The following SPTLC2 variants were observed in gnomAD, a reference collection of about 807,000 sequenced individuals.
The protein encoded by SPTLC2 is serine palmitoyltransferase long chain base subunit 2, also known as serine palmitoyltransferase 2.
Under a neutral mutation model 62.0 loss-of-function variants are expected in SPTLC2, and 21 were observed. The ratio of observed to expected loss-of-function variants is 0.34; its 90% confidence interval spans 0.24 to 0.49. The LOEUF (loss-of-function observed/expected upper bound fraction) is 0.49. Ranked by LOEUF, SPTLC2 falls within the 20% of genes least tolerant of loss-of-function variation. The probability of loss-of-function intolerance (pLI) is 0.99; values close to 1 mark genes in which losing one functional copy is unlikely to be tolerated. For missense variants in SPTLC2, 511 were observed against 713.0 expected, an observed-to-expected ratio of 0.72 and a Z score of 3.23; for synonymous variants, 261 against 261.8, an observed-to-expected ratio of 1.00 and a Z score of 0.03.
At position 77,599,516 on chromosome 14, in the gene SPTLC2, C is replaced by T. The variant is rs991185388; in HGVS notation, c.133-2136G>A. ...TTCAGTGTTACAGACTGGAATAGTT[C>T]GGAAAGACACAGTTGTATGTGACAA... is the stretch of plus-strand genomic sequence containing the variant. On this transcript the variant is annotated intron_variant, in intron 1 of 11. Coordinates refer to ENST00000216484, the MANE Select transcript of SPTLC2 (RefSeq NM_004863.4). 2.6e-5 allele frequency among the ~76,000 whole-genome samples: 4 copies of T among 152,212 alleles called. No homozygotes were observed. In the East Asian group the frequency reaches 5.8e-4, roughly 22 times the overall value.
At chr14:77,518,359 G>C (rs1466863122) in intron 10 of SPTLC2, among the ~76,000 whole-genome samples, 192 bp from the exon 11 acceptor site, 1 of 152,120 alleles carries the variant, frequency 6.6e-6, no homozygotes, top group African/African-American at 2.4e-5. Context: ...TCCTAAAGCA[G>C]TCTTCTCCTA....
intron 2 of SPTLC2, among the ~76,000 whole-genome samples, chr14:77,595,718 T>C (rs1379207273): frequency 6.6e-6 from 1 of 152,216 alleles, no homozygotes; most frequent in Non-Finnish European, 1.5e-5. Flanking sequence ...ATCCATTACC[T>C]GAATAATTGT....
At chr14:77,518,330 C>T (rs540289935) in intron 10 of SPTLC2, among the ~76,000 whole-genome samples, 163 bp from the exon 11 acceptor site, 2 of 152,158 alleles carry the variant, frequency 1.3e-5, no homozygotes, top group South Asian at 4.1e-4. Flanking sequence ...TGACAGCTCA[C>T]AAATACTTTT....
chr14:77,597,228 T>G lies in SPTLC2; in HGVS notation c.285A>C (p.Arg95Ser). The G allele has an allele frequency of 5.6e-6, 9 of 1,614,160 alleles. No homozygotes were observed. Among genetic ancestry groups the G allele is most frequent in the Non-Finnish European group, 7.6e-6 (9 of 1,180,028 alleles). Residue 95 changes from arginine to serine, a missense_variant, in exon 2 of 12, where the codon AGA becomes AGC. Arg to Ser is a moderately radical substitution (Grantham distance 110). Transcript: ENST00000216484. ...CTGTTGCATGGTGACACTTTTCAAT[T>G]CTCCAATACCTCAAGAAATCTCGAA... ...GYLRDFLRYW[R>S]IEKCHHATER... is the part of the protein sequence containing the mutation.
intron 1 of SPTLC2, among the ~76,000 whole-genome samples, chr14:77,610,929 T>TTTTG (rs761000774): frequency 3.5e-4 from 52 of 150,000 alleles, no homozygotes; most frequent in African/African-American, 1.2e-3. Flanking sequence ...TTTTATTTAT[T>TTTTG]TTTGTTTGTT....
intron 9 of SPTLC2, among the ~76,000 whole-genome samples, chr14:77,533,363 T>C (rs903976624): frequency 6.7e-6 from 1 of 149,784 alleles, no homozygotes; most frequent in Non-Finnish European, 1.5e-5. Flanking sequence ...TATAACAAAG[T>C]CCTCCTAAAA....
intron 9 of SPTLC2, among the ~76,000 whole-genome samples, chr14:77,538,361 T>C (rs1359849300): frequency 6.6e-6 from 1 of 152,204 alleles, no homozygotes; most frequent in Non-Finnish European, 1.5e-5. Flanking sequence ...GGATCCTGTC[T>C]CTACCTGAGC....
intron 2 of SPTLC2, among the ~76,000 whole-genome samples, chr14:77,594,548 C>T (rs954489059): frequency 1.3e-5 from 2 of 152,102 alleles, no homozygotes; most frequent in African/African-American, 4.8e-5. Context: ...ATCGCTTGAG[C>T]ACAGGAGTTT....
At chr14:77,591,726 G>GTATTTATT (rs1555377445) in intron 2 of SPTLC2, among the ~76,000 whole-genome samples, 11 of 63,742 alleles carry the variant, frequency 1.7e-4, no homozygotes, top group Admixed American at 3.8e-4. Context: ...ATGTATGTAT[G>GTATTTATT]TATGTATTTA....
chr14:77,594,165 T>G (rs1219363842), intron 2 of SPTLC2, among the ~76,000 whole-genome samples: 1 of 152,214 alleles, frequency 6.6e-6, no homozygotes, highest in Non-Finnish European at 1.5e-5. Context: ...TTCTATATCT[T>G]CATATAATCT....
chr14:77,524,101 C>G (rs140383476), intron 9 of SPTLC2, among the ~76,000 whole-genome samples: 146 of 152,148 alleles, frequency 9.6e-4, no homozygotes, highest in Non-Finnish European at 2.5e-4. Flanking sequence ...TGAAAAGGAA[C>G]AAATGATTGC....
intron 1 of SPTLC2, among the ~76,000 whole-genome samples, chr14:77,615,133 T>C (rs934155941): frequency 6.6e-6 from 1 of 152,212 alleles, no homozygotes; most frequent in African/African-American, 2.4e-5. Context: ...CGACAAACTA[T>C]TCCACTGCTT....
At chr14:77,559,195 C>T (rs1217884390) in intron 6 of SPTLC2, among the ~76,000 whole-genome samples, 1 of 152,150 alleles carries the variant, frequency 6.6e-6, no homozygotes, top group East Asian at 1.9e-4. Flanking sequence ...TGGTGGTGGG[C>T]ACCTGTAATT....
At chr14:77,562,824 A>T (rs2079622335) in intron 5 of SPTLC2, among the ~76,000 whole-genome samples, 1 of 152,126 alleles carries the variant, frequency 6.6e-6, no homozygotes, top group African/African-American at 2.4e-5. Flanking sequence ...TACGTGAGAG[A>T]ATTCCATGTA....
At position 77,611,377 on chromosome 14, in the gene SPTLC2, C is replaced by T. The variant is rs143919865; in HGVS notation, c.132+5071G>A. On this transcript the variant is annotated intron_variant, in intron 1 of 11. Transcript: ENST00000216484. ...ACTTGGGAGGCTGAGATGGGAGGATCGCTTGAGCCCGAGAAGTTGAGGCCG... is the reference window on the plus strand; with the variant it reads ...ACTTGGGAGGCTGAGATGGGAGGATTGCTTGAGCCCGAGAAGTTGAGGCCG... Among the ~76,000 whole-genome samples the T allele has an allele frequency of 4.8e-3, 712 of 147,214 alleles. 9 individuals carry two copies. Among genetic ancestry groups the T allele is most frequent in the African/African-American group, 0.017 (679 of 39,884 alleles).
chr14:77,613,441 T>G lies in SPTLC2; in HGVS notation c.132+3007A>C, dbSNP rs2079948566. Reference sequence around the variant, plus strand: ...AATTACTGCTCTATTGTTCAACTGTTACTATTGTGAAAACTGTGTGTCTAC... The same window carrying G: ...AATTACTGCTCTATTGTTCAACTGTGACTATTGTGAAAACTGTGTGTCTAC... On this transcript the variant is annotated intron_variant, in intron 1 of 11. Coordinates refer to ENST00000216484, the MANE Select transcript of SPTLC2 (RefSeq NM_004863.4). 2.0e-5 allele frequency among the ~76,000 whole-genome samples: 3 copies of G among 152,238 alleles called. No individual in the cohort carries two copies. In the South Asian group the frequency reaches 6.2e-4, roughly 31 times the overall value.
intron 9 of SPTLC2, among the ~76,000 whole-genome samples, chr14:77,548,740 A>G (rs554575545): frequency 1.2e-4 from 19 of 152,282 alleles, no homozygotes; most frequent in African/African-American, 4.3e-4. Flanking sequence ...GGAAAAGGAT[A>G]GAAACTGGAG....
At chr14:77,590,605 TGGA>T (rs1370746096) in intron 2 of SPTLC2, among the ~76,000 whole-genome samples, 1 of 152,108 alleles carries the variant, frequency 6.6e-6, no homozygotes, top group Non-Finnish European at 1.5e-5. Context: ...CCAGCCACTC[TGGA>T]GGCTGAGGCA....
At position 77,616,533 on chromosome 14, in the gene SPTLC2, G is replaced by T; in HGVS notation, c.47C>A (p.Ala16Glu). ...GGCCCRRTVRANGCVANGEVR... is the reference protein window; with the variant it reads ...GGCCCRRTVRENGCVANGEVR... ...TTCCCCGTTCGCCACGCAGCCATTC[G>T]CCCGCACCGTGCGGCGGCAGCAGCA... Residue 16 changes from alanine (A) to glutamate (E), a missense_variant, in exon 1 of 12, where the codon GCG becomes GAG. By Grantham distance (107) the Ala-to-Glu change is moderately radical. Transcript: ENST00000216484. 6.5e-7 allele frequency: 1 copy of T among 1,535,494 alleles called. No homozygotes were observed. Among genetic ancestry groups the T allele is most frequent in the Non-Finnish European group, 8.7e-7 (1 of 1,146,410 alleles).
Sources: allele counts gnomAD v4.1 joint callset (sites outside exome capture counted in the v4.1 genomes callset), GRCh38; gene constraint gnomAD v4.1.1; transcripts MANE v1.5; gene names NCBI Gene and HGNC (gene_info 2026-07-23, HGNC 2026-07-21).